CHAMP1: variants seen among roughly 807,000 people sequenced by gnomAD.
CHAMP1 encodes chromosome alignment maintaining phosphoprotein 1.
A neutral mutation model predicts 54.5 loss-of-function variants in CHAMP1; 4 were observed. That is an observed-to-expected ratio of 0.07 (90% CI 0.04 to 0.17). CHAMP1 has a LOEUF of 0.17. Among genes scored for constraint, CHAMP1 ranks in the 10% least tolerant of loss-of-function variants. The probability of loss-of-function intolerance (pLI) is 1.00; values close to 1 mark genes in which losing one functional copy is unlikely to be tolerated. For missense variants in CHAMP1, 994 were observed against 968.6 expected, an observed-to-expected ratio of 1.03 and a Z score of -0.35; for synonymous variants, 368 against 342.2, an observed-to-expected ratio of 1.08 and a Z score of -0.83.
chr13:114,316,017 G>T (rs914387417), intron 1 of CHAMP1, among the ~76,000 whole-genome samples: 9 of 151,324 alleles, frequency 5.9e-5, no homozygotes, highest in Non-Finnish European at 1.2e-4. Context: ...TGTATTTTTA[G>T]TAGAGATAGG....
At chr13:114,317,104 G>C (rs113670312) in intron 1 of CHAMP1, among the ~76,000 whole-genome samples, 1 of 151,942 alleles carries the variant, frequency 6.6e-6, no homozygotes, top group Non-Finnish European at 1.5e-5. Context: ...TGCAACCTCC[G>C]TCTCCCGGGT....
rs782253043 is a variant in CHAMP1 at position 114,324,392 on chromosome 13, TCTC to T, written c.553_555del (p.Pro185del). 6.2e-6 allele frequency: 10 copies of T among 1,613,926 alleles called. No individual in the cohort carries two copies. The highest frequency in any genetic ancestry group is 5.9e-6 in the Non-Finnish European group (7 of 1,180,026). On this transcript the variant is annotated inframe_deletion, in exon 3 of 3. Coordinates refer to ENST00000361283, the MANE Select transcript of CHAMP1 (RefSeq NM_032436.4). ...GCCTTCAAAACCTGCCTCTGTTTCT[TCTC>T]CTGAACCTCCAAAATCAGTCCCTGT... is the stretch of plus-strand genomic sequence containing the variant.
Position 114,325,485 on chromosome 13 carries a change from GTGCCCTTTTTCCAGAGCCCCGGAAGCA to G in CHAMP1, c.1653_1679del (p.Pro554_Glu562del). On this transcript the variant is annotated inframe_deletion, in exon 3 of 3. Transcript: ENST00000361283. ...CCTGCTTCTCCAGAAGCACGCAAAC[GTGCCCTTTTTCCAGAGCCCCGGAAGCA>G]TGCCCTTTTCCCTGAACTCCCCAAA... 1 of 1,614,046 alleles carries G rather than the reference GTGCCCTTTTTCCAGAGCCCCGGAAGCA, an allele frequency of 6.2e-7. No individual in the cohort carries two copies.
chr13:114,325,796 A>T lies in CHAMP1; in HGVS notation c.1954A>T (p.Ser652Cys). 6.2e-7 allele frequency: 1 copy of T among 1,614,234 alleles called. No homozygotes were observed. The highest frequency in any genetic ancestry group is 1.6e-4 in the Middle Eastern group (1 of 6,062). The change falls in exon 3 of 3, where the codon AGC (serine) becomes TGC (cysteine). Residue 652 changes from serine (S) to cysteine (C), a missense_variant. Transcript: ENST00000361283. ...DAMDIKGQES[S>C]SDQEQVDVES... is the part of the protein sequence containing the mutation. ...GATGGATATTAAGGGCCAGGAATCA[A>T]GCAGTGATCAAGAGCAGGTTGATGT...
chr13:114,324,136 G>T lies in CHAMP1; in HGVS notation c.294G>T (p.Gln98His). 6.2e-7 allele frequency: 1 copy of T among 1,614,088 alleles called. No individual in the cohort carries two copies. The highest frequency in any genetic ancestry group is 1.1e-5 in the South Asian group (1 of 91,076). The change falls in exon 3 of 3, where the codon CAG becomes CAT. Residue 98 changes from glutamine to histidine, a missense_variant. Coordinates refer to ENST00000361283, the MANE Select transcript of CHAMP1 (RefSeq NM_032436.4). ...AATGGAATGATAAACCAAAAAATCA[G>T]TTGAACAAAGAAACAGATCCTGTGA... ...PDKWNDKPKN[Q>H]LNKETDPVKS...
At chr13:114,320,308 A>G (rs1162431234) in intron 1 of CHAMP1, among the ~76,000 whole-genome samples, 1 of 152,172 alleles carries the variant, frequency 6.6e-6, no homozygotes, top group Non-Finnish European at 1.5e-5. Context: ...CAATCACTGA[A>G]GCAGGTCCAT....
In CHAMP1 at chr13:114,325,303, G is replaced by T; in HGVS notation, c.1461G>T (p.Glu487Asp). The T allele has an allele frequency of 6.2e-7, 1 of 1,614,022 alleles. No individual in the cohort carries two copies. Among genetic ancestry groups the T allele is most frequent in the Non-Finnish European group, 8.5e-7 (1 of 1,180,018 alleles). Residue 487 changes from glutamate (E) to aspartate (D), a missense_variant, in exon 3 of 3, where the codon GAG (glutamate) becomes GAT (aspartate). By Grantham distance (45) the Glu-to-Asp change is conservative (BLOSUM62 2). Around this residue, in one of 3 missense-constraint regions of CHAMP1, gnomAD observed 851 missense variants for 701.3 expected, o/e 1.21. Transcript: ENST00000361283. ...TCTGGAAGTCTTCCTTTTTTATTGA[G>T]CCTCAGAAACCTGTCTTCCCTGAGA... Reference protein sequence around the residue: ...PDLWKSSFFIEPQKPVFPETR... With the variant: ...PDLWKSSFFIDPQKPVFPETR...
Position 114,325,258 on chromosome 13 carries a change from C to T in CHAMP1, c.1416C>T (p.Ser472=), listed in dbSNP as rs2087231398. 4 of 1,614,070 alleles carry T rather than the reference C, an allele frequency of 2.5e-6. No homozygotes were observed. Among genetic ancestry groups the T allele is most frequent in the Non-Finnish European group, 3.4e-6 (4 of 1,180,026 alleles). Residue 472 remains serine, a synonymous_variant, in exon 3 of 3, where the codon TCC becomes TCT. Transcript: ENST00000361283. ...SLDFPESQKS[S]RGGSPDLWKS... ...ATTTCCCTGAGTCCCAGAAAAGTTC[C>T]CGTGGTGGTTCTCCTGATCTCTGGA... is the stretch of plus-strand genomic sequence containing the variant.
intron 1 of CHAMP1, among the ~76,000 whole-genome samples, chr13:114,316,429 C>T (rs964822207): frequency 1.3e-5 from 2 of 151,628 alleles, no homozygotes; most frequent in Non-Finnish European, 1.5e-5. Context: ...TCCCAAAGTG[C>T]TGGGATTACA....
chr13:114,316,045 A>T (rs1044510346), intron 1 of CHAMP1, among the ~76,000 whole-genome samples: 1 of 151,490 alleles, frequency 6.6e-6, no homozygotes, highest in Non-Finnish European at 1.5e-5. Context: ...CATGTTGGTC[A>T]GGCTGGTTTC....
rs2087261914 is a variant in CHAMP1, at chr13:114,327,152, C to A, written c.*871C>A. The A allele has an allele frequency of 6.0e-6, 1 of 166,896 alleles. No individual in the cohort carries two copies. The highest frequency in any genetic ancestry group is 2.1e-4 in the South Asian group (1 of 4,826). The allele number at this position is 166,896 out of a possible 1,614,324, so 10.3% of individuals were successfully genotyped here. A position where few individuals can be genotyped will look rare whatever the true frequency, so the allele number is the denominator to read the frequency against. On this transcript the variant is annotated 3_prime_UTR_variant, in exon 3 of 3. Transcript: ENST00000361283. ...TTGATAAGTAGGAACTGAAAGTCTT[C>A]CAGATTCACAGTAGAAAATTTTATA...
chr13:114,325,043 G>A lies in CHAMP1; in HGVS notation c.1201G>A (p.Ala401Thr). The A allele has an allele frequency of 6.2e-7, 1 of 1,614,110 alleles. No homozygotes were observed. The highest frequency in any genetic ancestry group is 8.5e-7 in the Non-Finnish European group (1 of 1,180,022). The change falls in exon 3 of 3, where the codon GCT (alanine) becomes ACT (threonine). Residue 401 changes from alanine (A) to threonine (T), a missense_variant. Ala to Thr is a moderately conservative substitution (Grantham distance 58). Coordinates refer to ENST00000361283, the MANE Select transcript of CHAMP1 (RefSeq NM_032436.4). ...KSGPPELRKT[A>T]PTLSPEHWKA... Reference sequence around the variant, plus strand: ...TGGCCCACCAGAACTCCGAAAGACAGCTCCCACGTTGTCTCCTGAACATTG... The same window carrying A: ...TGGCCCACCAGAACTCCGAAAGACAACTCCCACGTTGTCTCCTGAACATTG...
chr13:114,326,123 G>A lies in CHAMP1; in HGVS notation c.2281G>A (p.Gly761Arg), dbSNP rs2087247816. ...CCTTAAAAATCATGTAGCAGCCCAT[G>A]GGCAAAGTTTACTTAAATGTCCACG... Reference protein sequence around the residue: ...SLLKNHVAAHGQSLLKCPRCN... With the variant: ...SLLKNHVAAHRQSLLKCPRCN... Residue 761 changes from glycine to arginine, a missense_variant, in exon 3 of 3, where the codon GGG becomes AGG. By Grantham distance (125) the Gly-to-Arg change is moderately radical. This residue lies in a region of CHAMP1 where 59 missense variants were observed against 146.7 expected (regional missense o/e 0.40). Transcript: ENST00000361283. 1 of 1,613,278 alleles carries A rather than the reference G, an allele frequency of 6.2e-7. No homozygotes were observed. The highest frequency in any genetic ancestry group is 8.5e-7 in the Non-Finnish European group (1 of 1,179,642).
intron 1 of CHAMP1, among the ~76,000 whole-genome samples, chr13:114,320,565 C>G (rs1245889265): frequency 6.6e-6 from 1 of 152,128 alleles, no homozygotes; most frequent in Non-Finnish European, 1.5e-5. Flanking sequence ...TTTGATTACA[C>G]ACACGGGCAT....
At chr13:114,319,655 A>G (rs1015019789) in intron 1 of CHAMP1, among the ~76,000 whole-genome samples, 5 of 152,220 alleles carry the variant, frequency 3.3e-5, no homozygotes, top group Non-Finnish European at 7.3e-5. Context: ...GATGTTTCAT[A>G]TATGGGAATT....
rs1012680023 is a variant in CHAMP1 at position 114,314,565 on chromosome 13, C to T, written c.-257C>T. 1 of 151,792 alleles carries T rather than the reference C, an allele frequency of 6.6e-6. No homozygotes were observed. The highest frequency in any genetic ancestry group is 1.5e-5 in the Non-Finnish European group (1 of 67,878). The allele number at this position is 151,792 out of a possible 1,614,324, so 9.4% of individuals were successfully genotyped here. On this transcript the variant is annotated 5_prime_UTR_variant, in exon 1 of 3. Transcript: ENST00000361283. ...TCGGGAGGCCGCTGCGCTGCAGGGC[C>T]TCGCGGAGCCGCCCGCGACCGCGAG...
chr13:114,317,612 G>A (rs996567339), intron 1 of CHAMP1, among the ~76,000 whole-genome samples: 5 of 152,118 alleles, frequency 3.3e-5, no homozygotes, highest in Admixed American at 6.5e-5. Flanking sequence ...GCAACAGAGC[G>A]AGACCCTGTC....
At chr13:114,318,555 C>T (rs1306537274) in intron 1 of CHAMP1, among the ~76,000 whole-genome samples, 3 of 152,044 alleles carry the variant, frequency 2.0e-5, no homozygotes, top group Non-Finnish European at 4.4e-5. Context: ...AACCCCTGAG[C>T]TCAAGGGATC....
At position 114,323,810 on chromosome 13, in the gene CHAMP1, A is replaced by G; in HGVS notation, c.-33A>G. 6.4e-7 allele frequency: 1 copy of G among 1,556,832 alleles called. No individual in the cohort carries two copies. On this transcript the variant is annotated 5_prime_UTR_variant, in exon 3 of 3. Transcript: ENST00000361283. ...CAGCAGTATTGAAAGTTTTTAAAGA[A>G]TATAACCGTGTGTGTTGGTAACAGA...
Sources: gnomAD v4.1 joint callset for allele counts (sites outside exome capture counted in the v4.1 genomes callset) on GRCh38, gnomAD v4.1.1 for gene constraint, gnomAD v4.1.1 regional missense constraint, MANE v1.5 for transcripts, NCBI Gene and HGNC (gene_info 2026-07-23, HGNC 2026-07-21) for gene names.